The following ZNF565 variants were observed in gnomAD, a reference collection of about 807,000 sequenced individuals.
ZNF565 encodes zinc finger protein 565.
A neutral mutation model predicts 39.4 loss-of-function variants in ZNF565; 27 were observed. The observed-to-expected ratio is 0.69, with a 90% CI of 0.51 to 0.95. ZNF565 has a LOEUF of 0.95. Ranked by LOEUF, ZNF565 falls within the 40% of genes least tolerant of loss-of-function variation. The pLI is 0.00. For missense variants in ZNF565, 524 were observed against 621.1 expected (o/e 0.84, Z 1.66); for synonymous variants, 185 against 216.6 (o/e 0.85, Z 1.28).
At position 36,195,145 on chromosome 19, in the gene ZNF565, T is replaced by TG; in HGVS notation, c.20dup (p.Phe8IlefsTer44). On this transcript the variant is annotated frameshift_variant, in exon 3 of 5. Coordinates refer to ENST00000304116, the MANE Select transcript of ZNF565 (RefSeq NM_152477.5). LOFTEE classifies it high-confidence loss of function. Reference sequence around the variant, plus strand: ...AGAACTCTATGGCCACGTCCCTGAATGTCACCAGTCCCTGAAACAATAAAC... The same window carrying TG: ...AGAACTCTATGGCCACGTCCCTGAATGGTCACCAGTCCCTGAAACAATAAAC... 2 of 1,613,956 alleles carry TG rather than the reference T, an allele frequency of 1.2e-6. No homozygotes were observed. The highest frequency in any genetic ancestry group is 1.7e-6 in the Non-Finnish European group (2 of 1,179,818).
chr19:36,240,623 C>G (rs931987805), intron 1 of ZNF565, among the ~76,000 whole-genome samples: 1 of 152,146 alleles, frequency 6.6e-6, no homozygotes, highest in Non-Finnish European at 1.5e-5. Context: ...AATCTCAGCA[C>G]TCTGGGAGGC....
chr19:36,229,296 C>T (rs1178521404), intron 1 of ZNF565, among the ~76,000 whole-genome samples: 1 of 152,338 alleles, frequency 6.6e-6, no homozygotes, highest in Non-Finnish European at 1.5e-5. Flanking sequence ...GATCCATGGA[C>T]TCCTCTGCCT....
Position 36,245,518 on chromosome 19 carries a change from G to C in ZNF565, c.13C>G (p.Pro5Ala), listed in dbSNP as rs1002944978. Residue 5 changes from proline to alanine, a missense_variant, in exon 1 of 5, where the codon CCC (proline) becomes GCC (alanine). Pro to Ala is a conservative substitution (Grantham distance 27). Coordinates refer to the ZNF565 transcript ENST00000355114. The surrounding 1 kb of genome is among the most constrained non-coding windows in gnomAD (Gnocchi z 4.4). ...CTTGCGAGGGACCACCTTTCCCAGG[G>C]TCCACGGCGCATTTAGGTGGTGGCT... The C allele has an allele frequency of 7.1e-6, 5 of 702,090 alleles. No individual in the cohort carries two copies. Among genetic ancestry groups the C allele is most frequent in the Middle Eastern group, 2.3e-4 (1 of 4,386 alleles). The allele number at this position is 702,090 out of a possible 1,614,324, so 43.5% of individuals were successfully genotyped here.
chr19:36,207,588 C>T (rs1370362768), intron 1 of ZNF565, among the ~76,000 whole-genome samples: 1 of 150,824 alleles, frequency 6.6e-6, no homozygotes, highest in Non-Finnish European at 1.5e-5. Flanking sequence ...AAACAAACAA[C>T]AACAAAAAGA....
intron 1 of ZNF565, among the ~76,000 whole-genome samples, chr19:36,221,519 A>C (rs1167706475): frequency 6.6e-6 from 1 of 151,622 alleles, no homozygotes; most frequent in Non-Finnish European, 1.5e-5. Flanking sequence ...TGATCTCCTG[A>C]CCTCGTGATC....
intron 1 of ZNF565, among the ~76,000 whole-genome samples, chr19:36,211,554 G>A (rs1332933979): frequency 6.6e-6 from 1 of 152,122 alleles, no homozygotes; most frequent in Non-Finnish European, 1.5e-5. Flanking sequence ...AGTACTTTGG[G>A]AGGCCAAGGT....
chr19:36,188,333 C>A (rs866771204), intron 4 of ZNF565, among the ~76,000 whole-genome samples: 1 of 149,962 alleles, frequency 6.7e-6, no homozygotes, highest in Non-Finnish European at 1.5e-5. Context: ...CCAGCCTGGG[C>A]GACAAAGTGA....
chr19:36,206,702 C>G (rs1431714774), intron 1 of ZNF565, among the ~76,000 whole-genome samples: 1 of 152,076 alleles, frequency 6.6e-6, no homozygotes, highest in East Asian at 1.9e-4. Context: ...TGTGGTGGCG[C>G]ATGCCTGTAA....
At chr19:36,187,665 T>A (rs1467305990) in intron 4 of ZNF565, among the ~76,000 whole-genome samples, 2 of 130,988 alleles carry the variant, frequency 1.5e-5, no homozygotes, top group Admixed American at 8.5e-5. Context: ...CGAGACAGAG[T>A]CTTGCTCTGT....
At chr19:36,201,515 C>T (rs537847193) in intron 2 of ZNF565, among the ~76,000 whole-genome samples, 55 of 151,986 alleles carry the variant, frequency 3.6e-4, no homozygotes, top group Admixed American at 6.6e-4. Flanking sequence ...CGCTCTGTCT[C>T]CCAGGGTGGA....
chr19:36,185,997 C>CTT (rs376526191), intron 4 of ZNF565, among the ~76,000 whole-genome samples: 5 of 147,428 alleles, frequency 3.4e-5, no homozygotes, highest in African/African-American at 9.9e-5. Flanking sequence ...CCTGGCTTGT[C>CTT]TTTTTTTTTT....
In ZNF565 at chr19:36,188,183, G is replaced by A. The variant is rs561792187; in HGVS notation, c.233-4450C>T. On this transcript the variant is annotated intron_variant, in intron 4 of 4. Coordinates refer to ENST00000304116, the MANE Select transcript of ZNF565 (RefSeq NM_152477.5). The stretch of plus-strand genomic sequence containing the variant: ...CAGCCTGGCTAACACGGTGAAACCC[G>A]TCTCTACTAAAAATACAAAAAATTA... Among the ~76,000 whole-genome samples, 8 of 149,738 alleles carry A rather than the reference G, an allele frequency of 5.3e-5. No homozygotes were observed. The South Asian group carries it at 6.4e-4, about 12-fold the overall frequency.
chr19:36,217,901 A>G (rs982857623), upstream of ZNF565, among the ~76,000 whole-genome samples: 2 of 136,702 alleles, frequency 1.5e-5, no homozygotes, highest in African/African-American at 5.6e-5. Flanking sequence ...AAAAAAAAAA[A>G]ATTCAAAAGA....
intron 1 of ZNF565, chr19:36,203,336 C>CAAAAAAA (rs34808722): frequency 2.2e-5 from 2 of 88,988 alleles, no homozygotes; most frequent in African/African-American, 8.8e-5. Context: ...AACTCTGTCT[C>CAAAAAAA]AAAAAAAAAA....
At chr19:36,197,397 G>A (rs537793877) in intron 2 of ZNF565, among the ~76,000 whole-genome samples, 6 of 150,834 alleles carry the variant, frequency 4.0e-5, no homozygotes, top group African/African-American at 1.2e-4. Flanking sequence ...GCTTGAACCC[G>A]CGAGGTGGAG....
At chr19:36,214,762 C>G (rs556586316), upstream of ZNF565, 1 of 152,808 alleles carries the variant, frequency 6.5e-6, no homozygotes, top group Non-Finnish European at 1.5e-5. Flanking sequence ...GAATGGCGTT[C>G]TCTTATCTCT....
At chr19:36,201,937 A>T in intron 2 of ZNF565, 40 bp downstream of exon 2, 1 of 1,610,490 alleles carries the variant, frequency 6.2e-7, no homozygotes, top group Non-Finnish European at 8.5e-7. Context: ...ATCTGGCGGG[A>T]AGACAGATCA....
At chr19:36,241,689 G>A (rs1206864266) in intron 1 of ZNF565, among the ~76,000 whole-genome samples, 1 of 151,180 alleles carries the variant, frequency 6.6e-6, no homozygotes, top group African/African-American at 2.4e-5. Flanking sequence ...TACTTTGGGA[G>A]GCTGAGCTAG....
intron 1 of ZNF565, chr19:36,236,714 A>G: frequency 6.2e-7 from 1 of 1,614,232 alleles, no homozygotes; most frequent in East Asian, 2.2e-5. Context: ...TACGCACCAG[A>G]AAATTCACAC....
Sources: gnomAD v4.1 joint callset for allele counts (sites outside exome capture counted in the v4.1 genomes callset) on GRCh38, gnomAD v4.1.1 for gene constraint, Gnocchi (gnomAD v3.1) non-coding constraint, MANE v1.5 for transcripts, NCBI Gene and HGNC (gene_info 2026-07-23, HGNC 2026-07-21) for gene names.